The following INTS6L variants were observed in gnomAD, a reference collection of about 807,000 sequenced individuals.
INTS6L encodes the protein integrator complex subunit 6-like.
INTS6L carries 18 observed loss-of-function variants against 64.7 expected under a neutral mutation model. The ratio of observed to expected loss-of-function variants is 0.28; its 90% CI spans 0.19 to 0.41. The LOEUF is 0.41. Ranked by LOEUF, INTS6L falls within the 10% of genes least tolerant of loss-of-function variation. The pLI is 1.00. For missense variants in INTS6L, 533 were observed against 661.0 expected (o/e 0.81, Z 2.12); for synonymous variants, 227 against 235.9 (o/e 0.96, Z 0.34).
chrX:135,574,982 A>T, intron 13 of INTS6L, 102 bp from the exon 14 acceptor site: 1 of 845,302 alleles, frequency 1.2e-6, no homozygotes, highest in East Asian at 3.2e-5. Context: ...ATACTATTTG[A>T]TGCCAAGACA....
chrX:135,533,470 G>T (rs1333068988), intron 2 of INTS6L, among the ~76,000 whole-genome samples: 1 of 111,611 alleles, frequency 9.0e-6, no homozygotes, highest in Non-Finnish European at 1.9e-5. Context: ...GTGCCATGGT[G>T]GTTTGCTGCA....
intron 9 of INTS6L, among the ~76,000 whole-genome samples, chrX:135,564,157 C>T (rs986731505): frequency 1.8e-5 from 2 of 111,072 alleles, no homozygotes; most frequent in African/African-American, 6.6e-5. Context: ...GTTCTATTTT[C>T]CAGTTCATTG....
rs1356216403 is a variant in INTS6L, at chrX:135,581,869, A to G, written c.*233A>G. ...TTGTTTTCCTCAATTGAGGAAGCTG[A>G]TGTTATTAATTCACAGGCTAAATTC... On this transcript the variant is annotated 3_prime_UTR_variant, in exon 18 of 18. Coordinates refer to ENST00000639893, the MANE Select transcript of INTS6L (RefSeq NM_001351601.3). 1.6e-5 allele frequency: 5 copies of G among 309,176 alleles called. 1 individual carries two copies. The Admixed American group carries it at 3.1e-4, about 19-fold the overall frequency. 25.5% of individuals were successfully genotyped at this position (309,176 alleles called of 1,213,427 possible).
intron 10 of INTS6L, chrX:135,569,782 C>T (rs2087047659): frequency 8.6e-6 from 1 of 116,102 alleles, no homozygotes; most frequent in African/African-American, 3.2e-5. Flanking sequence ...TAGAAATTCT[C>T]AGTATGGGGT....
intron 7 of INTS6L, 44 bp downstream of exon 7, chrX:135,549,849 C>T (rs1395447215): frequency 1.7e-6 from 2 of 1,184,896 alleles, no homozygotes; most frequent in African/African-American, 3.5e-5. Flanking sequence ...TCTGGATTTT[C>T]AATTTTCTGA....
intron 2 of INTS6L, among the ~76,000 whole-genome samples, chrX:135,543,204 C>T (rs1420018627): frequency 9.0e-6 from 1 of 111,553 alleles, no homozygotes; most frequent in Non-Finnish European, 1.9e-5. Flanking sequence ...ATACCACTCC[C>T]CGGATTTAAA....
intron 2 of INTS6L, among the ~76,000 whole-genome samples, chrX:135,544,152 G>A (rs782137757): frequency 1.8e-5 from 2 of 111,972 alleles, no homozygotes; most frequent in Admixed American, 1.9e-4. Flanking sequence ...ATGACTGCAA[G>A]GTGGTATCAT....
chrX:135,529,997 AT>A (rs1556503813), intron 2 of INTS6L, among the ~76,000 whole-genome samples: 2 of 111,905 alleles, frequency 1.8e-5, no homozygotes, highest in African/African-American at 6.5e-5. Flanking sequence ...ATTCTAGTCT[AT>A]TCAGTGATTA....
At position 135,581,957 on chromosome X, in the gene INTS6L, A is replaced by G; in HGVS notation, c.*321A>G. 1 of 196,094 alleles carries G rather than the reference A, an allele frequency of 5.1e-6. No individual in the cohort carries two copies. The highest frequency in any genetic ancestry group is 1.7e-3 in the Middle Eastern group (1 of 591). 16.2% of individuals were successfully genotyped at this position (196,094 alleles called of 1,213,427 possible). A position where few individuals can be genotyped will look rare whatever the true frequency, so the allele number is the denominator to read the frequency against. Reference sequence around the variant, plus strand: ...TCACTCACTTGAACTTTGCCATTCCAGGCATTCTCAGAGTGGCGAGGGGCC... The same window carrying G: ...TCACTCACTTGAACTTTGCCATTCCGGGCATTCTCAGAGTGGCGAGGGGCC... On this transcript the variant is annotated 3_prime_UTR_variant, in exon 18 of 18. Transcript: ENST00000639893.
intron 9 of INTS6L, among the ~76,000 whole-genome samples, chrX:135,561,958 TTTA>T (rs1464223486): frequency 8.9e-6 from 1 of 111,929 alleles, no homozygotes; most frequent in Non-Finnish European, 1.9e-5. Context: ...GTTTGTCACT[TTTA>T]TTAATCTCAT....
At chrX:135,572,308 A>G (rs2087109468) in intron 11 of INTS6L, 1 of 112,802 alleles carries the variant, frequency 8.9e-6, no homozygotes, top group African/African-American at 3.2e-5. Context: ...TTTTTTGGAT[A>G]GTCAAATATA....
At chrX:135,577,458 G>T in intron 15 of INTS6L, 31 bp downstream of exon 15, 1 of 1,157,847 alleles carries the variant, frequency 8.6e-7, no homozygotes, top group Non-Finnish European at 1.2e-6. Context: ...TTTCCTTATG[G>T]CTCCTAGAGG....
At chrX:135,530,226 C>T (rs2085868749) in intron 2 of INTS6L, among the ~76,000 whole-genome samples, 1 of 112,484 alleles carries the variant, frequency 8.9e-6, no homozygotes, top group African/African-American at 3.2e-5. Context: ...TCTAATATTT[C>T]TCTGACTGTT....
chrX:135,580,999 A>G, intron 16 of INTS6L, 51 bp from the exon 17 acceptor site: 5 of 877,160 alleles, frequency 5.7e-6, no homozygotes, highest in Non-Finnish European at 7.7e-6. Flanking sequence ...ATTAAATTTT[A>G]TTTCCCATTC....
At chrX:135,569,522 A>G (rs2087040577) in intron 10 of INTS6L, 91 bp downstream of exon 10, 2 of 483,778 alleles carry the variant, frequency 4.1e-6, no homozygotes, top group Admixed American at 4.3e-5. Context: ...TACTGTTGCA[A>G]TAAGAGAGAT....
intron 9 of INTS6L, among the ~76,000 whole-genome samples, chrX:135,564,978 T>C (rs2086903256): frequency 9.0e-6 from 1 of 111,277 alleles, no homozygotes; most frequent in Non-Finnish European, 1.9e-5. Flanking sequence ...CTTGTTATTG[T>C]TGTGTGTGAG....
Position 135,576,856 on chromosome X carries a change from T to A in INTS6L, c.1885-337T>A, listed in dbSNP as rs144783895. Among the ~76,000 whole-genome samples the A allele has an allele frequency of 6.8e-3, 766 of 112,713 alleles. 3 individuals carry two copies. Among genetic ancestry groups the A allele is most frequent in the Non-Finnish European group, 0.011 (585 of 53,359 alleles). ...TTCTCTCCTTTTGGTTGAATAATGCTGCTTATTTGCAAACTTTCTGATTAA... is the reference window on the plus strand; with the variant it reads ...TTCTCTCCTTTTGGTTGAATAATGCAGCTTATTTGCAAACTTTCTGATTAA... On this transcript the variant is annotated intron_variant, in intron 14 of 17. Coordinates refer to ENST00000639893, the MANE Select transcript of INTS6L (RefSeq NM_001351601.3).
chrX:135,575,371 C>A, intron 14 of INTS6L, 145 bp downstream of exon 14: 1 of 696,396 alleles, frequency 1.4e-6, no homozygotes, highest in Non-Finnish European at 2.0e-6. Flanking sequence ...TTAGTGGGAG[C>A]CTCCTGATGC....
At chrX:135,540,921 C>T (rs782704248) in intron 2 of INTS6L, among the ~76,000 whole-genome samples, 31 of 111,448 alleles carry the variant, frequency 2.8e-4, no homozygotes, top group Non-Finnish European at 4.7e-4. Context: ...ACCACAGGTG[C>T]ACATCACCAT....
Sources: gnomAD v4.1 joint callset for allele counts (sites outside exome capture counted in the v4.1 genomes callset) on GRCh38, gnomAD v4.1.1 for gene constraint, MANE v1.5 for transcripts, NCBI Gene and HGNC (gene_info 2026-07-23, HGNC 2026-07-21) for gene names.